Variants in RBFOX1 observed in about 807,000 individuals in gnomAD.
RBFOX1 encodes RNA binding fox-1 homolog 1.
RBFOX1 carries 8 observed loss-of-function variants against 57.7 expected under a neutral mutation model. The observed-to-expected ratio is 0.14, with a 90% confidence interval of 0.08 to 0.25. The LOEUF is 0.25. Among genes scored for constraint, RBFOX1 ranks in the 10% least tolerant of loss-of-function variants. The probability of loss-of-function intolerance (pLI) is 1.00; values close to 1 mark genes in which losing one functional copy is unlikely to be tolerated. For missense variants in RBFOX1, 611 were observed against 548.5 expected (o/e 1.11, Z -1.14); for synonymous variants, 326 against 222.4 (o/e 1.47, Z -4.15).
At chr16:6,369,829 A>G (rs1367038580) in intron 2 of RBFOX1, among the ~76,000 whole-genome samples, 1 of 152,198 alleles carries the variant, frequency 6.6e-6, no homozygotes, top group African/African-American at 2.4e-5. Context: ...ACCTAACCAC[A>G]ATACAATTCC....
intron 5 of RBFOX1, among the ~76,000 whole-genome samples, chr16:7,552,691 T>C (rs913928900): frequency 1.3e-5 from 2 of 152,174 alleles, no homozygotes; most frequent in Non-Finnish European, 2.9e-5. Context: ...TTGTTTTTCT[T>C]TCTTTTTTTG....
chr16:6,525,155 C>T (rs895082525), intron 2 of RBFOX1, among the ~76,000 whole-genome samples: 5 of 152,096 alleles, frequency 3.3e-5, no homozygotes, highest in African/African-American at 7.2e-5. Context: ...GAATTGCTTG[C>T]AAACATCCTG....
At position 6,482,925 on chromosome 16, in the gene RBFOX1, T is replaced by C. The variant is rs142030622; in HGVS notation, c.-64+165868T>C. 2.6e-5 allele frequency among the ~76,000 whole-genome samples: 4 copies of C among 152,298 alleles called. No homozygotes were observed. In the East Asian group the frequency reaches 7.7e-4, roughly 29 times the overall value. ...ACATTTGATTGCTCGTGAGTTAAAA[T>C]TGGTTGTCAAGTGCGGACTCAGGGA... On this transcript the variant is annotated intron_variant, in intron 2 of 15. Coordinates refer to ENST00000550418, the MANE Select transcript of RBFOX1 (RefSeq NM_018723.4).
At chr16:6,026,015 G>A (rs745649488) in intron 1 of RBFOX1, among the ~76,000 whole-genome samples, 5 of 152,156 alleles carry the variant, frequency 3.3e-5, no homozygotes, top group Admixed American at 1.3e-4. Flanking sequence ...GCATGTGATC[G>A]CCTCCCCCAC....
chr16:5,302,752 T>C (rs1286946619), intron 1 of RBFOX1, among the ~76,000 whole-genome samples: 1 of 152,258 alleles, frequency 6.6e-6, no homozygotes, highest in African/African-American at 2.4e-5. Flanking sequence ...ACCAGCTCTC[T>C]AACACTTAGT....
At chr16:7,185,447 G>T (rs13334230) in intron 4 of RBFOX1, among the ~76,000 whole-genome samples, 2 of 151,950 alleles carry the variant, frequency 1.3e-5, no homozygotes, top group African/African-American at 2.4e-5. Context: ...TCTGCAAATG[G>T]TAAGACTAGA....
chr16:7,633,770 C>T (rs531623775), intron 11 of RBFOX1, among the ~76,000 whole-genome samples: 1 of 152,260 alleles, frequency 6.6e-6, no homozygotes, highest in East Asian at 1.9e-4. Flanking sequence ...GCAGGCTGTG[C>T]ATTGGTGTTG....
intron 2 of RBFOX1, among the ~76,000 whole-genome samples, chr16:5,585,826 C>G (rs1014344754): frequency 2.0e-5 from 3 of 152,160 alleles, no homozygotes; most frequent in African/African-American, 7.2e-5. Flanking sequence ...CAACCTGATT[C>G]GTGTGAAGTA....
intron 14 of RBFOX1, among the ~76,000 whole-genome samples, chr16:7,697,784 C>A (rs1344460065): frequency 6.6e-6 from 1 of 152,172 alleles, no homozygotes; most frequent in Non-Finnish European, 1.5e-5. Flanking sequence ...ATTCTACCTT[C>A]CCCAGTATGC....
At chr16:7,285,780 C>G (rs185395267) in intron 4 of RBFOX1, among the ~76,000 whole-genome samples, 9 of 152,256 alleles carry the variant, frequency 5.9e-5, no homozygotes, top group African/African-American at 2.2e-4. Flanking sequence ...AACCATTCAT[C>G]TATTGATGGA....
intron 2 of RBFOX1, among the ~76,000 whole-genome samples, chr16:6,645,602 C>A (rs115110965): frequency 6.6e-6 from 1 of 152,094 alleles, no homozygotes; most frequent in East Asian, 1.9e-4. Context: ...CTGAAAAGAA[C>A]GGACACATGA....
At chr16:6,153,997 T>A (rs1340353151) in intron 1 of RBFOX1, among the ~76,000 whole-genome samples, 1 of 152,204 alleles carries the variant, frequency 6.6e-6, no homozygotes, top group Non-Finnish European at 1.5e-5. Context: ...TGGGTATAGT[T>A]ATATCTGGTT....
chr16:6,239,483 CTCTTTTTTTTT>C (rs1567749269), intron 1 of RBFOX1, among the ~76,000 whole-genome samples: 5 of 102,162 alleles, frequency 4.9e-5, no homozygotes, highest in Non-Finnish European at 9.8e-5. Context: ...CTCCAACTGA[CTCTTTTTTTTT>C]TTTTTTTTTT....
intron 11 of RBFOX1, among the ~76,000 whole-genome samples, chr16:7,646,368 C>A (rs561343543): frequency 6.6e-6 from 1 of 152,196 alleles, no homozygotes; most frequent in East Asian, 1.9e-4. Context: ...TCCTGCAAAA[C>A]CATCAACCCG....
At chr16:5,345,586 C>T (rs980289534) in intron 1 of RBFOX1, among the ~76,000 whole-genome samples, 5 of 152,198 alleles carry the variant, frequency 3.3e-5, no homozygotes, top group African/African-American at 4.8e-5. Context: ...TCATGTGAAA[C>T]AGTAGAAGCA....
intron 3 of RBFOX1, among the ~76,000 whole-genome samples, chr16:6,978,672 C>T (rs575549969): frequency 1.3e-5 from 2 of 152,154 alleles, no homozygotes; most frequent in East Asian, 1.9e-4. Flanking sequence ...CCTTTCTTAC[C>T]GACTTGGAAG....
chr16:6,289,305 T>C (rs1567859360), intron 1 of RBFOX1, among the ~76,000 whole-genome samples: 1 of 152,014 alleles, frequency 6.6e-6, no homozygotes, highest in Non-Finnish European at 1.5e-5. Context: ...AGGGTGGATA[T>C]AGGTGTTATT....
chr16:7,073,701 A>G (rs1466840659), intron 4 of RBFOX1, among the ~76,000 whole-genome samples: 1 of 151,774 alleles, frequency 6.6e-6, no homozygotes, highest in Admixed American at 6.6e-5. Flanking sequence ...AAAAAAATAT[A>G]TACAAAAAAA....
At chr16:5,972,256 C>T (rs1462020250) in intron 4 of RBFOX1, among the ~76,000 whole-genome samples, 1 of 152,150 alleles carries the variant, frequency 6.6e-6, no homozygotes, top group Non-Finnish European at 1.5e-5. Context: ...TCTGGAGAAC[C>T]CTGACTAATA....
Sources: gnomAD v4.1 joint callset for allele counts (sites outside exome capture counted in the v4.1 genomes callset) on GRCh38, gnomAD v4.1.1 for gene constraint, MANE v1.5 for transcripts, NCBI Gene and HGNC (gene_info 2026-07-23, HGNC 2026-07-21) for gene names.